Variants in DNAH5 observed in about 807,000 individuals in gnomAD.
The protein encoded by DNAH5 is dynein axonemal heavy chain 5.
Under a neutral mutation model 518.2 loss-of-function variants are expected in DNAH5, and 372 were observed. The ratio of observed to expected loss-of-function variants is 0.72; its 90% CI spans 0.66 to 0.78. DNAH5 has a LOEUF of 0.78. Among genes scored for constraint, DNAH5 ranks in the 30% least tolerant of loss-of-function variants. DNAH5 has a pLI of 0.00. For synonymous variants in DNAH5, 2,039 were observed against 2,025.9 expected (o/e 1.01, Z -0.17); for missense variants, 5,523 against 5,687.0 (o/e 0.97, Z 0.93).
chr5:13,787,404 C>G (rs1273688222), intron 51 of DNAH5, among the ~76,000 whole-genome samples: 1 of 152,120 alleles, frequency 6.6e-6, no homozygotes, highest in East Asian at 1.9e-4. Flanking sequence ...TTGACTGTGT[C>G]CTAACATAAT....
At position 13,776,677 on chromosome 5, in the gene DNAH5, A is replaced by C; in HGVS notation, c.9135T>G (p.Ile3045Met). ...EVSNLFARDE[I>M]DEINSDLASV... ...ATGCCAGGTCGCTATTAATTTCATC[A>C]ATTTCATCTCGAGCAAATAGGTTAG... The change falls in exon 55 of 79, where the codon ATT (isoleucine) becomes ATG (methionine). Residue 3045 changes from isoleucine to methionine, a missense_variant. Physicochemically the swap from Ile to Met is conservative, Grantham distance 10 (BLOSUM62 1). Around this residue, in one of 3 missense-constraint regions of DNAH5, gnomAD observed 5,121 missense variants for 5,223.3 expected, o/e 0.98. Coordinates refer to ENST00000265104, the MANE Select transcript of DNAH5 (RefSeq NM_001369.3). 1 of 1,613,754 alleles carries C rather than the reference A, an allele frequency of 6.2e-7. No homozygotes were observed. The highest frequency in any genetic ancestry group is 8.5e-7 in the Non-Finnish European group (1 of 1,179,788).
At chr5:13,942,567 C>T (rs146566559) in intron 1 of DNAH5, among the ~76,000 whole-genome samples, 2 of 152,300 alleles carry the variant, frequency 1.3e-5, no homozygotes, top group East Asian at 3.9e-4. Context: ...AGTCAGTTAA[C>T]AAGAACCCCT....
intron 36 of DNAH5, 58 bp downstream of exon 36, chr5:13,830,539 A>G: frequency 6.3e-7 from 1 of 1,591,800 alleles, no homozygotes; most frequent in Non-Finnish European, 8.6e-7. Flanking sequence ...AACAAATTTT[A>G]GCAAAATATT....
At chr5:13,781,070 G>A in intron 52 of DNAH5, 111 bp from the exon 53 acceptor site, 1 of 1,255,518 alleles carries the variant, frequency 8.0e-7, no homozygotes, top group South Asian at 1.3e-5. Flanking sequence ...AGATATAGGT[G>A]TCTCAAGATC....
intron 3 of DNAH5, among the ~76,000 whole-genome samples, chr5:13,927,018 T>C (rs1440881026): frequency 6.6e-6 from 1 of 152,218 alleles, no homozygotes; most frequent in Non-Finnish European, 1.5e-5. Flanking sequence ...TCTTACTATA[T>C]GCCAAGAGCA....
rs114714966 is a variant in DNAH5, at chr5:13,744,806, C to T, written c.11211+6272G>A. Among the ~76,000 whole-genome samples the T allele has an allele frequency of 2.6e-3, 393 of 152,070 alleles. 2 individuals are homozygous for T. In the Middle Eastern group the frequency reaches 0.031, roughly 12 times the overall value. ...AGTTTTGAAATCAGTAAAAGACAAA[C>T]GGCAGCCAGAGTTCTCATTCTTAAA... On this transcript the variant is annotated intron_variant, in intron 65 of 78. Coordinates refer to ENST00000265104, the MANE Select transcript of DNAH5 (RefSeq NM_001369.3).
chr5:13,864,004 CACA>C (rs1258524776), intron 28 of DNAH5, among the ~76,000 whole-genome samples: 4 of 152,206 alleles, frequency 2.6e-5, no homozygotes, highest in African/African-American at 9.6e-5. Context: ...ACCCCAACCA[CACA>C]ACCACACTCC....
intron 1 of DNAH5, among the ~76,000 whole-genome samples, chr5:13,941,643 C>T (rs562379348): frequency 2.0e-4 from 31 of 152,326 alleles, no homozygotes; most frequent in African/African-American, 7.0e-4. Flanking sequence ...GAAACAATGG[C>T]TGCCCTCCTG....
At chr5:13,901,697 A>G in intron 13 of DNAH5, 124 bp from the exon 14 acceptor site, 4 of 650,704 alleles carry the variant, frequency 6.1e-6, no homozygotes, top group Non-Finnish European at 9.8e-6. Context: ...GAAAAGAATG[A>G]GATATTTACA....
At chr5:14,003,538 C>T (rs1784505782) in intron 1 of DNAH5, among the ~76,000 whole-genome samples, 2 of 152,192 alleles carry the variant, frequency 1.3e-5, no homozygotes, top group East Asian at 1.9e-4. Flanking sequence ...CCATTCATGA[C>T]TTCTGAGGCA....
intron 47 of DNAH5, among the ~76,000 whole-genome samples, chr5:13,807,298 T>C (rs999155481): frequency 2.0e-5 from 3 of 152,302 alleles, no homozygotes; most frequent in Non-Finnish European, 4.4e-5. Context: ...AATGATTTTC[T>C]TTCAGTTTTG....
Position 13,902,707 on chromosome 5 carries a change from T to C in DNAH5, c.1645-569A>G, listed in dbSNP as rs1410622799. ...TGTCTGGCTCTTGGACATAGTTTGC[T>C]GACCCCTGCCCTAGAGGAACTGAAA... is the stretch of plus-strand genomic sequence containing the variant. On this transcript the variant is annotated intron_variant, in intron 12 of 78. Transcript: ENST00000265104. 2.6e-5 allele frequency among the ~76,000 whole-genome samples: 4 copies of C among 152,202 alleles called. No homozygotes were observed. The East Asian group carries it at 7.7e-4, about 29-fold the overall frequency.
At chr5:13,978,166 G>A (rs1484562417) in intron 1 of DNAH5, among the ~76,000 whole-genome samples, 2 of 152,238 alleles carry the variant, frequency 1.3e-5, no homozygotes, top group East Asian at 1.9e-4. Context: ...CCAAGAGAGA[G>A]ACCTCGCACC....
intron 31 of DNAH5, 109 bp downstream of exon 31, chr5:13,850,543 A>C: frequency 1.1e-6 from 1 of 889,710 alleles, no homozygotes; most frequent in East Asian, 2.5e-5. Context: ...AGCTTTATAT[A>C]TAAATTCAGC....
chr5:13,837,224 C>A (rs1230836281), intron 35 of DNAH5, among the ~76,000 whole-genome samples: 3 of 152,112 alleles, frequency 2.0e-5, no homozygotes, highest in Non-Finnish European at 2.9e-5. Flanking sequence ...GTTATGGCAG[C>A]AATACAAAGT....
At chr5:13,701,549 G>T in intron 76 of DNAH5, 113 bp from the exon 77 acceptor site, 1 of 1,055,086 alleles carries the variant, frequency 9.5e-7, no homozygotes, top group Non-Finnish European at 1.4e-6. Context: ...CTTTTATAAT[G>T]AAAAAAGTCC....
At chr5:13,847,044 A>G (rs1208432969) in intron 31 of DNAH5, among the ~76,000 whole-genome samples, 3 of 152,168 alleles carry the variant, frequency 2.0e-5, no homozygotes, top group Admixed American at 6.5e-5. Flanking sequence ...CCGTTAGACC[A>G]GTATGGAAGG....
At chr5:13,715,850 T>C (rs1744214698) in intron 74 of DNAH5, among the ~76,000 whole-genome samples, 1 of 152,180 alleles carries the variant, frequency 6.6e-6, no homozygotes, top group East Asian at 1.9e-4. Context: ...CATTTTTGGT[T>C]CTTACAATTG....
chr5:13,868,705 C>A (rs778787958), intron 24 of DNAH5, among the ~76,000 whole-genome samples: 1 of 152,214 alleles, frequency 6.6e-6, no homozygotes, highest in Non-Finnish European at 1.5e-5. Context: ...CTTTCTCTCT[C>A]TTCCCTCCCT....
Sources: gnomAD v4.1 joint callset for allele counts (sites outside exome capture counted in the v4.1 genomes callset) on GRCh38, gnomAD v4.1.1 for gene constraint, gnomAD v4.1.1 regional missense constraint, MANE v1.5 for transcripts, NCBI Gene and HGNC (gene_info 2026-07-23, HGNC 2026-07-21) for gene names.